The following PCDHGB2 variants were observed in gnomAD, a reference collection of about 807,000 sequenced individuals.
PCDHGB2 encodes protocadherin gamma subfamily B, 2, also known as protocadherin gamma-B2.
PCDHGB2 carries 55 observed loss-of-function variants against 59.3 expected under a neutral mutation model. That is an observed-to-expected ratio of 0.93 (90% CI 0.75 to 1.16). PCDHGB2 has a LOEUF of 1.16. Ranked by LOEUF, PCDHGB2 falls within the 50% of genes most tolerant of loss-of-function variation. The probability of loss-of-function intolerance (pLI) is 0.00; values close to 1 mark genes in which losing one functional copy is unlikely to be tolerated. For missense variants in PCDHGB2, 1,228 were observed against 1,198.5 expected (o/e 1.02, Z -0.36); for synonymous variants, 516 against 512.0 (o/e 1.01, Z -0.11).
At chr5:141,369,198 T>C (rs1466766598) in intron 1 of PCDHGB2, among the ~76,000 whole-genome samples, 1 of 152,172 alleles carries the variant, frequency 6.6e-6, no homozygotes, top group Non-Finnish European at 1.5e-5. Flanking sequence ...TATCAGATGG[T>C]AAACTGGGGA....
At chr5:141,394,096 G>C in intron 1 of PCDHGB2, 1 of 1,613,822 alleles carries the variant, frequency 6.2e-7, no homozygotes, top group African/African-American at 1.3e-5. Context: ...TCAGATCTAG[G>C]AACACCACCT....
intron 1 of PCDHGB2, among the ~76,000 whole-genome samples, chr5:141,470,537 A>G (rs189730495): frequency 1.3e-5 from 2 of 152,256 alleles, no homozygotes; most frequent in Non-Finnish European, 2.9e-5. Context: ...TGTATCAGGT[A>G]ATATTTATTG....
intron 1 of PCDHGB2, among the ~76,000 whole-genome samples, chr5:141,468,946 C>G: frequency 7.0e-6 from 1 of 141,900 alleles, no homozygotes; most frequent in Non-Finnish European, 1.5e-5. Context: ...ATGGGGTAAA[C>G]CTGTGGTTTT....
chr5:141,371,270 C>G (rs778912997), intron 1 of PCDHGB2: 24 of 1,613,894 alleles, frequency 1.5e-5, no homozygotes, highest in South Asian at 5.5e-5. Flanking sequence ...GACAACTGTT[C>G]AAGCTGGACA....
chr5:141,415,482 G>C, intron 1 of PCDHGB2: 1 of 1,614,218 alleles, frequency 6.2e-7, no homozygotes, highest in Non-Finnish European at 8.5e-7. Context: ...ACTCGCGAAA[G>C]AGTCACCTGA....
intron 3 of PCDHGB2, among the ~76,000 whole-genome samples, chr5:141,505,926 G>A (rs114056147): frequency 0.012 from 1,893 of 152,254 alleles, 12 homozygotes; most frequent in Middle Eastern, 0.034. Context: ...TGGGCCTGGC[G>A]CTTGGAAGCC....
chr5:141,362,282 G>C lies in PCDHGB2; in HGVS notation c.2147G>C (p.Arg716Pro), dbSNP rs750712376. The C allele has an allele frequency of 2.5e-6, 4 of 1,613,920 alleles. No homozygotes were observed. In the East Asian group the frequency reaches 8.9e-5, roughly 36 times the overall value. ...ATTCTGGCAATCTCCCTGCGCCTGC[G>C]ACTCTCTTCCAGGTCAGATGCTTGG... ...AVILAISLRLRLSSRSDAWDC... is the reference protein window; with the variant it reads ...AVILAISLRLPLSSRSDAWDC... The change falls in exon 1 of 4, where the codon CGA becomes CCA. Residue 716 changes from arginine to proline, a missense_variant. Transcript: ENST00000522605.
At chr5:141,414,894 A>T in intron 1 of PCDHGB2, 1 of 1,613,958 alleles carries the variant, frequency 6.2e-7, no homozygotes, top group South Asian at 1.1e-5. Flanking sequence ...CCCTCCCCAC[A>T]GACGGTTCCA....
rs1322302295 is a variant in PCDHGB2 at position 141,362,071 on chromosome 5, G to T, written c.1936G>T (p.Val646Leu). The change falls in exon 1 of 4, where the codon GTG (valine) becomes TTG (leucine). Residue 646 changes from valine to leucine, a missense_variant. Val to Leu is a conservative substitution (Grantham distance 32, BLOSUM62 1). Coordinates refer to ENST00000522605, the MANE Select transcript of PCDHGB2 (RefSeq NM_018923.3). ...GGCCCGCCAGCGCCTGCTGGTCGCT[G>T]TGCGTGATGGAGGACAGCCGCCACT... is the stretch of plus-strand genomic sequence containing the variant. The part of the protein sequence containing the change: ...DAARQRLLVA[V>L]RDGGQPPLSA... 1 of 1,612,812 alleles carries T rather than the reference G, an allele frequency of 6.2e-7. No individual in the cohort carries two copies. The highest frequency in any genetic ancestry group is 1.3e-5 in the African/African-American group (1 of 75,026).
In PCDHGB2 at chr5:141,431,628, A is replaced by C. The variant is rs1204083567; in HGVS notation, c.2422-63179A>C. Reference sequence around the variant, plus strand: ...CGGTATGTGGACGACAAGGCGGCCCAAGTTTTCAAACTAGATTGTAATTCA... The same window carrying C: ...CGGTATGTGGACGACAAGGCGGCCCCAGTTTTCAAACTAGATTGTAATTCA... On this transcript the variant is annotated intron_variant, in intron 1 of 3. Coordinates refer to ENST00000522605, the MANE Select transcript of PCDHGB2 (RefSeq NM_018923.3). The surrounding 1 kb of genome is among the most constrained non-coding windows in gnomAD (Gnocchi z 4.8). 1 of 1,614,256 alleles carries C rather than the reference A, an allele frequency of 6.2e-7. No individual in the cohort carries two copies. The highest frequency in any genetic ancestry group is 8.5e-7 in the Non-Finnish European group (1 of 1,180,050).
At chr5:141,371,941 C>A (rs781345070) in intron 1 of PCDHGB2, 1 of 1,613,174 alleles carries the variant, frequency 6.2e-7, no homozygotes, top group Non-Finnish European at 8.5e-7. Flanking sequence ...GTGGTGTTCG[C>A]GCAGCGAGCC....
Position 141,432,538 on chromosome 5 carries a change from G to T in PCDHGB2, c.2422-62269G>T, listed in dbSNP as rs200601557. 1 of 1,613,908 alleles carries T rather than the reference G, an allele frequency of 6.2e-7. No individual in the cohort carries two copies. Among genetic ancestry groups the T allele is most frequent in the African/African-American group, 1.3e-5 (1 of 74,936 alleles). Reference sequence around the variant, plus strand: ...GCTACCTGGTGACCAAGGTGGTGGCGGTGGACAGAGACTCCGGCCAGAACG... The same window carrying T: ...GCTACCTGGTGACCAAGGTGGTGGCTGTGGACAGAGACTCCGGCCAGAACG... On this transcript the variant is annotated intron_variant, in intron 1 of 3. Coordinates refer to ENST00000522605, the MANE Select transcript of PCDHGB2 (RefSeq NM_018923.3). This position sits in a 1 kb window ranked among gnomAD's most constrained non-coding sequence, Gnocchi z 6.0.
At chr5:141,376,368 A>C in intron 1 of PCDHGB2, 1 of 1,613,920 alleles carries the variant, frequency 6.2e-7, no homozygotes, top group Non-Finnish European at 8.5e-7. Flanking sequence ...CTCACTGCAG[A>C]CTCGCGTAAG....
At chr5:141,475,684 T>C (rs2099367059) in intron 1 of PCDHGB2, among the ~76,000 whole-genome samples, 1 of 152,228 alleles carries the variant, frequency 6.6e-6, no homozygotes, top group African/African-American at 2.4e-5. Context: ...TTGATTTGGA[T>C]TGGAGACTTG....
rs749347013 is a variant in PCDHGB2, at chr5:141,476,739, C to G, written c.2422-18068C>G. 6.2e-7 allele frequency: 1 copy of G among 1,614,068 alleles called. No individual in the cohort carries two copies. Among genetic ancestry groups the G allele is most frequent in the South Asian group, 1.1e-5 (1 of 91,088 alleles). On this transcript the variant is annotated intron_variant, in intron 1 of 3. Transcript: ENST00000522605. The surrounding 1 kb of genome is among the most constrained non-coding windows in gnomAD (Gnocchi z 7.6). Reference sequence around the variant, plus strand: ...CGCGCCCTGGACCGAGAACGGGAGCCTAGTCTCCAGTTAGTGCTGACGGCG... The same window carrying G: ...CGCGCCCTGGACCGAGAACGGGAGCGTAGTCTCCAGTTAGTGCTGACGGCG...
rs752720166 is a variant in PCDHGB2, at chr5:141,419,978, G to C, written c.2421+57422G>C. 1.9e-6 allele frequency: 3 copies of C among 1,614,076 alleles called. No homozygotes were observed. In the South Asian group the frequency reaches 3.3e-5, roughly 18 times the overall value. On this transcript the variant is annotated intron_variant, in intron 1 of 3. Transcript: ENST00000522605. Reference sequence around the variant, plus strand: ...GATTTCTGTGCTCTTTCTCCTCGCGGTGATTCTAGCTATTGCTCTACGCCT... The same window carrying C: ...GATTTCTGTGCTCTTTCTCCTCGCGCTGATTCTAGCTATTGCTCTACGCCT...
chr5:141,369,800 C>T lies in PCDHGB2; in HGVS notation c.2421+7244C>T, dbSNP rs192992906. 3.3e-3 allele frequency among the ~76,000 whole-genome samples: 501 copies of T among 152,282 alleles called. 3 individuals are homozygous for T. Among genetic ancestry groups the T allele is most frequent in the Non-Finnish European group, 5.3e-3 (361 of 68,024 alleles). ...AAGCCTCTTTATACTACGTCTTCTG[C>T]CATCACCAAAAATAGCTTCCATTTG... On this transcript the variant is annotated intron_variant, in intron 1 of 3. Transcript: ENST00000522605.
chr5:141,511,462 C>T lies in PCDHGB2; in HGVS notation c.*289C>T, dbSNP rs1385398410. On this transcript the variant is annotated 3_prime_UTR_variant, in exon 4 of 4. Transcript: ENST00000522605. Reference sequence around the variant, plus strand: ...AGACACCAAGAACCATTTGCCACACCCCGTTTAGTTACAGCTGAACTCCTC... The same window carrying T: ...AGACACCAAGAACCATTTGCCACACTCCGTTTAGTTACAGCTGAACTCCTC... 5.4e-6 allele frequency: 3 copies of T among 556,350 alleles called. No individual in the cohort carries two copies. In the South Asian group the frequency reaches 6.3e-5, roughly 12 times the overall value. 34.5% of individuals were successfully genotyped at this position (556,350 alleles called of 1,614,324 possible).
intron 1 of PCDHGB2, chr5:141,408,577 T>C (rs771768269): frequency 6.2e-7 from 1 of 1,614,068 alleles, no homozygotes; most frequent in South Asian, 1.1e-5. Flanking sequence ...TGATTGAGGA[T>C]GTTAATGACC....
Sources: allele counts gnomAD v4.1 joint callset (sites outside exome capture counted in the v4.1 genomes callset), GRCh38; gene constraint gnomAD v4.1.1; non-coding constraint Gnocchi (gnomAD v3.1); transcripts MANE v1.5; gene names NCBI Gene and HGNC (gene_info 2026-07-23, HGNC 2026-07-21).